The following RAPGEF5 variants were observed in gnomAD, a reference collection of about 807,000 sequenced individuals.
RAPGEF5 encodes M-Ras-regulated GEF.
RAPGEF5 carries 65 observed loss-of-function variants against 125.2 expected under a neutral mutation model. That is an observed-to-expected ratio of 0.52 (90% confidence interval 0.43 to 0.64). The LOEUF (loss-of-function observed/expected upper bound fraction) is 0.64, where lower values mean the gene tolerates loss of function less well. RAPGEF5 is among the 30% of genes least tolerant of loss of function. The probability of loss-of-function intolerance (pLI) is 0.00; values close to 1 mark genes in which losing one functional copy is unlikely to be tolerated. For missense variants in RAPGEF5, 958 were observed against 1,048.1 expected (o/e 0.91, Z 1.19); for synonymous variants, 391 against 385.9 (o/e 1.01, Z -0.16).
intron 9 of RAPGEF5, among the ~76,000 whole-genome samples, chr7:22,205,748 T>A (rs543017914): frequency 6.6e-6 from 1 of 152,350 alleles, no homozygotes; most frequent in African/African-American, 2.4e-5. Flanking sequence ...AATTCCAGAT[T>A]TTGATCCTCC....
At chr7:22,306,230 C>T (rs190054840) in intron 5 of RAPGEF5, among the ~76,000 whole-genome samples, 226 of 152,252 alleles carry the variant, frequency 1.5e-3, no homozygotes, top group Non-Finnish European at 2.6e-3. Context: ...GTCTTTTGAA[C>T]ATAAGCCATT....
At chr7:22,167,378 T>A (rs1176436984) in intron 11 of RAPGEF5, among the ~76,000 whole-genome samples, 2 of 152,218 alleles carry the variant, frequency 1.3e-5, no homozygotes, top group Non-Finnish European at 1.5e-5. Flanking sequence ...GTTGCAGAGC[T>A]CTCTAAACAT....
intron 25 of RAPGEF5, 86 bp from the exon 26 acceptor site, chr7:22,122,607 A>C: frequency 2.1e-6 from 2 of 951,452 alleles, no homozygotes; most frequent in Non-Finnish European, 3.3e-6. Context: ...ACTAAGGCTG[A>C]GTAAATGTAC....
At chr7:22,352,444 A>G (rs1156277326) in intron 1 of RAPGEF5, among the ~76,000 whole-genome samples, 1 of 152,204 alleles carries the variant, frequency 6.6e-6, no homozygotes, top group African/African-American at 2.4e-5. Flanking sequence ...CTCCTTGGGA[A>G]AATGGCTGAT....
At chr7:22,244,177 C>CAT (rs1381534233) in intron 7 of RAPGEF5, among the ~76,000 whole-genome samples, 2 of 151,952 alleles carry the variant, frequency 1.3e-5, no homozygotes, top group South Asian at 2.1e-4. Context: ...TGTATATATA[C>CAT]ATATATACAC....
intron 17 of RAPGEF5, among the ~76,000 whole-genome samples, chr7:22,151,074 T>A (rs1207192667): frequency 2.0e-5 from 3 of 152,222 alleles, no homozygotes; most frequent in Admixed American, 6.5e-5. Flanking sequence ...CATTATACCA[T>A]CATTTAATCT....
chr7:22,349,006 G>A (rs565276060), intron 1 of RAPGEF5, among the ~76,000 whole-genome samples: 75 of 151,332 alleles, frequency 5.0e-4, no homozygotes, highest in African/African-American at 1.6e-3. Context: ...CACAAGAATC[G>A]CTTGAACCCA....
At chr7:22,142,817 A>C (rs911101168) in intron 20 of RAPGEF5, among the ~76,000 whole-genome samples, 3 of 152,252 alleles carry the variant, frequency 2.0e-5, no homozygotes, top group Admixed American at 6.5e-5. Context: ...ATGAATATGC[A>C]AATAGGATGC....
At chr7:22,278,933 C>G (rs1186857023) in intron 6 of RAPGEF5, among the ~76,000 whole-genome samples, 2 of 151,848 alleles carry the variant, frequency 1.3e-5, no homozygotes, top group Non-Finnish European at 2.9e-5. Flanking sequence ...CTTGAAGTTC[C>G]GTAATTTTTG....
chr7:22,310,129 G>C (rs761525752), intron 3 of RAPGEF5, 39 bp from the exon 4 acceptor site: 1 of 1,462,170 alleles, frequency 6.8e-7, no homozygotes, highest in East Asian at 2.7e-5. Flanking sequence ...AGATATTGCT[G>C]ACATCCGTTT....
intron 1 of RAPGEF5, among the ~76,000 whole-genome samples, chr7:22,325,419 G>A (rs1266769430): frequency 6.6e-6 from 1 of 152,078 alleles, no homozygotes; most frequent in Non-Finnish European, 1.5e-5. Flanking sequence ...GAAACCCATC[G>A]CCACCACTGC....
At chr7:22,130,951 C>A in intron 24 of RAPGEF5, 86 bp downstream of exon 24, 2 of 1,497,502 alleles carry the variant, frequency 1.3e-6, no homozygotes, top group Non-Finnish European at 1.8e-6. Flanking sequence ...GAGAAAAGTA[C>A]TAAAACTATT....
At chr7:22,217,491 G>A (rs1163941174) in intron 9 of RAPGEF5, among the ~76,000 whole-genome samples, 1 of 152,170 alleles carries the variant, frequency 6.6e-6, no homozygotes, top group Non-Finnish European at 1.5e-5. Flanking sequence ...TTAGCAGGTG[G>A]TTTTTATTCC....
At chr7:22,233,178 T>C (rs1243837886) in intron 7 of RAPGEF5, among the ~76,000 whole-genome samples, 1 of 152,146 alleles carries the variant, frequency 6.6e-6, no homozygotes, top group Non-Finnish European at 1.5e-5. Flanking sequence ...CAATGGGCTA[T>C]AGAAGTAAGG....
At chr7:22,353,954 C>T (rs1784376501) in intron 1 of RAPGEF5, among the ~76,000 whole-genome samples, 1 of 152,044 alleles carries the variant, frequency 6.6e-6, no homozygotes, top group South Asian at 2.1e-4. Flanking sequence ...TGCCTGTATC[C>T]CAGTTCCTCA....
intron 5 of RAPGEF5, among the ~76,000 whole-genome samples, chr7:22,300,935 T>C (rs964985887): frequency 1.3e-5 from 2 of 152,194 alleles, no homozygotes; most frequent in Admixed American, 6.5e-5. Context: ...GTTTCTACTA[T>C]AGATTTTGAC....
intron 23 of RAPGEF5, among the ~76,000 whole-genome samples, chr7:22,135,139 C>T (rs1783040666): frequency 6.6e-6 from 1 of 152,178 alleles, no homozygotes. Context: ...GCCAGGCCAA[C>T]CAGCAATCCA....
At chr7:22,352,820 G>A (rs73073209) in intron 1 of RAPGEF5, among the ~76,000 whole-genome samples, 27,824 of 151,964 alleles carry the variant, frequency 0.18, 2,706 homozygotes, top group Non-Finnish European at 0.21. Flanking sequence ...TTTACAGACC[G>A]AATTCCAATT....
At chr7:22,254,321 A>G (rs1786698077) in intron 7 of RAPGEF5, among the ~76,000 whole-genome samples, 1 of 152,068 alleles carries the variant, frequency 6.6e-6, no homozygotes, top group African/African-American at 2.4e-5. Flanking sequence ...AAAGAAAAAA[A>G]AAAAAGGCCG....
Sources: gnomAD v4.1 joint callset for allele counts (sites outside exome capture counted in the v4.1 genomes callset) on GRCh38, gnomAD v4.1.1 for gene constraint, MANE v1.5 for transcripts, NCBI Gene and HGNC (gene_info 2026-07-23, HGNC 2026-07-21) for gene names.